Variants in TMEM74 observed in about 807,000 individuals in gnomAD.
TMEM74 encodes transmembrane protein 74.
Under a neutral mutation model 18.1 loss-of-function variants are expected in TMEM74, and 13 were observed. The ratio of observed to expected loss-of-function variants is 0.72; its 90% CI spans 0.47 to 1.14. TMEM74 has a LOEUF of 1.14. TMEM74 is among the 50% of genes most tolerant of loss of function. The pLI is 0.00. For synonymous variants in TMEM74, 159 were observed against 146.6 expected (o/e 1.08, Z -0.61); for missense variants, 372 against 375.9 (o/e 0.99, Z 0.09).
intron 2 of TMEM74, among the ~76,000 whole-genome samples, chr8:108,618,635 A>G (rs532433885): frequency 1.3e-5 from 2 of 152,320 alleles, no homozygotes; most frequent in East Asian, 3.9e-4. Context: ...ACCACTGTGC[A>G]GTCTGTAGGG....
At chr8:108,771,434 T>C (rs1209043852) in intron 1 of TMEM74, among the ~76,000 whole-genome samples, 2 of 152,180 alleles carry the variant, frequency 1.3e-5, no homozygotes, top group Admixed American at 1.3e-4. Flanking sequence ...ATTTGGAATA[T>C]ATAACAAAAT....
chr8:108,655,042 C>T (rs556263571), intron 2 of TMEM74, among the ~76,000 whole-genome samples: 18 of 152,140 alleles, frequency 1.2e-4, no homozygotes, highest in East Asian at 1.9e-4. Flanking sequence ...GAAAGAACAT[C>T]GATTTTCCTT....
exon 4 of TMEM74, chr8:108,607,235 A>G (rs528810513): frequency 3.2e-4 from 48 of 152,374 alleles, no homozygotes; most frequent in African/African-American, 1.2e-3. Flanking sequence ...ACAAGGTCAC[A>G]TGACAGGAGA....
intron 1 of TMEM74, among the ~76,000 whole-genome samples, chr8:108,727,381 C>A (rs978942239): frequency 6.6e-6 from 1 of 152,124 alleles, no homozygotes; most frequent in Non-Finnish European, 1.5e-5. Context: ...GACAACAGTA[C>A]AGATGATGAC....
At chr8:108,756,655 A>AGAAG (rs1813972059) in intron 1 of TMEM74, among the ~76,000 whole-genome samples, 1 of 65,968 alleles carries the variant, frequency 1.5e-5, no homozygotes, top group Non-Finnish European at 2.7e-5. Flanking sequence ...AGAAAGAGAA[A>AGAAG]GAAAGAAAGA....
chr8:108,767,663 A>G (rs992971564), intron 1 of TMEM74, among the ~76,000 whole-genome samples: 1 of 151,860 alleles, frequency 6.6e-6, no homozygotes, highest in African/African-American at 2.4e-5. Flanking sequence ...AATATTCTTC[A>G]CCCCTTCTTA....
intron 2 of TMEM74, among the ~76,000 whole-genome samples, chr8:108,651,276 C>T (rs1188770010): frequency 1.3e-5 from 2 of 151,962 alleles, no homozygotes; most frequent in Non-Finnish European, 2.9e-5. Context: ...ATCTTTTTTT[C>T]CTTGCTAAAG....
At chr8:108,762,609 T>G (rs530823258) in intron 1 of TMEM74, among the ~76,000 whole-genome samples, 1 of 152,074 alleles carries the variant, frequency 6.6e-6, no homozygotes, top group Admixed American at 6.6e-5. Context: ...CCAACATCAT[T>G]TCCTTATATA....
intron 3 of TMEM74, among the ~76,000 whole-genome samples, chr8:108,608,474 G>A (rs940424121): frequency 2.6e-5 from 4 of 152,028 alleles, no homozygotes; most frequent in Non-Finnish European, 5.9e-5. Context: ...GTTTCCCCGT[G>A]GACTGTGGCA....
intron 1 of TMEM74, among the ~76,000 whole-genome samples, chr8:108,659,151 C>T (rs529638643): frequency 6.8e-6 from 1 of 147,188 alleles, no homozygotes; most frequent in South Asian, 2.2e-4. Flanking sequence ...AAGACCATTT[C>T]TCCTTCAAAA....
chr8:108,755,447 AT>A (rs1321831197), intron 1 of TMEM74, among the ~76,000 whole-genome samples: 17 of 152,148 alleles, frequency 1.1e-4, no homozygotes, highest in Non-Finnish European at 1.5e-5. Flanking sequence ...ACCTACACAT[AT>A]AGCATGTGAA....
intron 2 of TMEM74, among the ~76,000 whole-genome samples, chr8:108,624,107 C>T (rs55960454): frequency 0.011 from 1,728 of 152,144 alleles, 21 homozygotes; most frequent in Non-Finnish European, 0.016. Flanking sequence ...CAACAGCACC[C>T]TACCCAATGA....
In TMEM74 at chr8:108,644,274, T is replaced by C. The variant is rs140484801; in HGVS notation, n.264+11019A>G. ...GGAAAATGATTCCCTGTTCAATAAA[T>C]GCTGTTAGGATAACTGGTCAGCCAC... On this transcript the variant is annotated intron_variant and non_coding_transcript_variant, in intron 2 of 3. Coordinates refer to the TMEM74 transcript ENST00000518838. 7.5e-3 allele frequency among the ~76,000 whole-genome samples: 1,146 copies of C among 152,250 alleles called. 11 individuals carry two copies. The highest frequency in any genetic ancestry group is 0.012 in the Non-Finnish European group (836 of 68,010).
intron 1 of TMEM74, among the ~76,000 whole-genome samples, chr8:108,694,925 A>T (rs1253364528): frequency 2.6e-5 from 4 of 152,206 alleles, no homozygotes. Context: ...CTCAAAAATG[A>T]ACTAGAACCC....
intron 1 of TMEM74, among the ~76,000 whole-genome samples, chr8:108,750,600 G>A (rs1033684695): frequency 1.3e-5 from 2 of 152,092 alleles, no homozygotes; most frequent in Non-Finnish European, 2.9e-5. Context: ...TTAATTGAAC[G>A]CAGACACCAG....
chr8:108,634,033 C>T (rs1812581279), intron 2 of TMEM74, among the ~76,000 whole-genome samples: 2 of 151,944 alleles, frequency 1.3e-5, no homozygotes, highest in South Asian at 4.1e-4. Context: ...AAGCAATTTA[C>T]CACGTAGAAG....
At chr8:108,672,135 C>G (rs1282205995) in intron 1 of TMEM74, among the ~76,000 whole-genome samples, 1 of 152,156 alleles carries the variant, frequency 6.6e-6, no homozygotes, top group African/African-American at 2.4e-5. Context: ...CAGTTGCCGT[C>G]CAACTGAGTG....
chr8:108,773,910 AT>A, intron 1 of TMEM74, among the ~76,000 whole-genome samples: 1 of 152,174 alleles, frequency 6.6e-6, no homozygotes, highest in East Asian at 1.9e-4. Context: ...CTGGTCCCAA[AT>A]TCCTGACCAA....
intron 1 of TMEM74, among the ~76,000 whole-genome samples, chr8:108,731,567 TAGAG>T (rs1391543420): frequency 6.6e-6 from 1 of 152,152 alleles, no homozygotes; most frequent in Non-Finnish European, 1.5e-5. Flanking sequence ...GATTAGGTGA[TAGAG>T]AGCATGAATA....
Sources: allele counts gnomAD v4.1 joint callset (sites outside exome capture counted in the v4.1 genomes callset), GRCh38; gene constraint gnomAD v4.1.1; transcripts MANE v1.5; gene names NCBI Gene and HGNC (gene_info 2026-07-23, HGNC 2026-07-21).